Variants in COX7B2 observed in about 807,000 individuals in gnomAD.
COX7B2 encodes cytochrome c oxidase subunit 7B2, mitochondrial.
For missense variants in COX7B2, 109 were observed against 95.9 expected (o/e 1.14, Z -0.57); for synonymous variants, 37 against 32.1 (o/e 1.15, Z -0.51).
intron 2 of COX7B2, among the ~76,000 whole-genome samples, chr4:46,811,921 G>T (rs1719305176): frequency 6.6e-6 from 1 of 152,152 alleles, no homozygotes; most frequent in African/African-American, 2.4e-5. Context: ...ACATGGCCTA[G>T]ACTGTAGGAA....
chr4:46,798,600 C>T (rs1718482909), intron 2 of COX7B2, among the ~76,000 whole-genome samples: 1 of 152,156 alleles, frequency 6.6e-6, no homozygotes, highest in African/African-American at 2.4e-5. Flanking sequence ...CAGAAAGCTA[C>T]TATCCTTTTG....
At position 46,766,706 on chromosome 4, in the gene COX7B2, GA is replaced by G. The variant is rs57884969; in HGVS notation, c.-49-31466del. Among the ~76,000 whole-genome samples the G allele has an allele frequency of 7.0e-3, 679 of 96,586 alleles. 1 individual carries two copies. Among genetic ancestry groups the G allele is most frequent in the African/African-American group, 0.017 (430 of 24,706 alleles). The allele number at this position is 96,586 out of a possible 152,430, so 63.4% of individuals were successfully genotyped here. A position where few individuals can be genotyped will look rare whatever the true frequency, so the allele number is the denominator to read the frequency against. The stretch of plus-strand genomic sequence containing the variant: ...ACAAAGAGAGACTCCGTCTCGAAAA[GA>G]AAAAAAAAAAAAAAAAGAGTCAGGG... On this transcript the variant is annotated intron_variant, in intron 2 of 2. Coordinates refer to ENST00000355591, the MANE Select transcript of COX7B2 (RefSeq NM_130902.3).
chr4:46,817,249 A>T (rs912250039), intron 2 of COX7B2, among the ~76,000 whole-genome samples: 1 of 152,220 alleles, frequency 6.6e-6, no homozygotes, highest in African/African-American at 2.4e-5. Context: ...AATGTTTGCC[A>T]AGAGTCAGGC....
At chr4:46,828,903 G>A (rs974680838) in intron 2 of COX7B2, among the ~76,000 whole-genome samples, 1 of 152,054 alleles carries the variant, frequency 6.6e-6, no homozygotes, top group African/African-American at 2.4e-5. Flanking sequence ...TGATAACAGC[G>A]AAGTATAATT....
chr4:46,900,318 T>C (rs1720004501), intron 1 of COX7B2, among the ~76,000 whole-genome samples: 1 of 152,198 alleles, frequency 6.6e-6, no homozygotes, highest in African/African-American at 2.4e-5. Context: ...TTAGGAATCA[T>C]GCCCATTATG....
intron 2 of COX7B2, among the ~76,000 whole-genome samples, chr4:46,783,744 G>A (rs1271733839): frequency 6.6e-6 from 1 of 151,996 alleles, no homozygotes; most frequent in Non-Finnish European, 1.5e-5. Context: ...AAAAAGGGAA[G>A]GGCAGGGCAG....
intron 2 of COX7B2, among the ~76,000 whole-genome samples, chr4:46,820,604 G>A (rs2088305183): frequency 6.6e-6 from 1 of 152,074 alleles, no homozygotes; most frequent in African/African-American, 2.4e-5. Context: ...AAGGTGGGCA[G>A]ATCACCTGAG....
chr4:46,774,936 C>T (rs1717071817), intron 2 of COX7B2, among the ~76,000 whole-genome samples: 1 of 152,038 alleles, frequency 6.6e-6, no homozygotes, highest in Non-Finnish European at 1.5e-5. Flanking sequence ...TGAATAAGAA[C>T]ACAGCTTATA....
At chr4:46,742,048 G>T (rs532013857) in intron 2 of COX7B2, among the ~76,000 whole-genome samples, 1 of 152,150 alleles carries the variant, frequency 6.6e-6, no homozygotes, top group African/African-American at 2.4e-5. Context: ...GAGTACAATA[G>T]TAATTGAATC....
At chr4:46,893,980 G>A (rs546347119) in intron 1 of COX7B2, among the ~76,000 whole-genome samples, 1 of 152,050 alleles carries the variant, frequency 6.6e-6, no homozygotes, top group African/African-American at 2.4e-5. Flanking sequence ...TCTCTACAAT[G>A]AGAATTCTAA....
chr4:46,832,935 C>T (rs561142414), intron 2 of COX7B2, among the ~76,000 whole-genome samples: 3 of 151,748 alleles, frequency 2.0e-5, no homozygotes, highest in African/African-American at 4.8e-5. Context: ...GATGGAGTCT[C>T]GCTCTTGTTG....
chr4:46,816,633 ATTAT>A (rs977298604), intron 2 of COX7B2, among the ~76,000 whole-genome samples: 2 of 152,204 alleles, frequency 1.3e-5, no homozygotes, highest in Non-Finnish European at 2.9e-5. Context: ...TGCTGAAAAT[ATTAT>A]TTAATGTCAT....
At chr4:46,763,587 G>A (rs533383980) in intron 2 of COX7B2, among the ~76,000 whole-genome samples, 1 of 151,810 alleles carries the variant, frequency 6.6e-6, no homozygotes, top group South Asian at 2.1e-4. Context: ...TTTTCATCAC[G>A]CTTATTTATA....
intron 1 of COX7B2, among the ~76,000 whole-genome samples, chr4:46,877,937 AC>A (rs962667921): frequency 6.6e-6 from 1 of 152,080 alleles, no homozygotes; most frequent in African/African-American, 2.4e-5. Flanking sequence ...TCTCATGTTC[AC>A]TGCAGCAGTT....
intron 2 of COX7B2, among the ~76,000 whole-genome samples, chr4:46,776,352 AAG>A (rs1717151506): frequency 6.6e-6 from 1 of 151,768 alleles, no homozygotes; most frequent in African/African-American, 2.4e-5. Flanking sequence ...TAATGGCCAT[AAG>A]AGGTCACTAC....
intron 2 of COX7B2, among the ~76,000 whole-genome samples, chr4:46,736,856 C>CT (rs1294535587): frequency 6.6e-6 from 1 of 152,088 alleles, no homozygotes; most frequent in Non-Finnish European, 1.5e-5. Context: ...TATTATTTTA[C>CT]TGAAGGACAT....
chr4:46,895,653 T>C (rs1448436146), intron 1 of COX7B2, among the ~76,000 whole-genome samples: 1 of 152,116 alleles, frequency 6.6e-6, no homozygotes, highest in African/African-American at 2.4e-5. Flanking sequence ...TAAAAGTTTT[T>C]TTAAGTATTA....
intron 2 of COX7B2, among the ~76,000 whole-genome samples, chr4:46,818,355 C>A (rs868682379): frequency 6.6e-6 from 1 of 152,046 alleles, no homozygotes; most frequent in African/African-American, 2.4e-5. Context: ...TACTGGAAGC[C>A]GGGCGCCGTG....
intron 1 of COX7B2, among the ~76,000 whole-genome samples, chr4:46,867,813 A>G (rs6829456): frequency 0.39 from 58,839 of 152,022 alleles, 11,511 homozygotes; most frequent in South Asian, 0.49. Context: ...GTTCATCAAG[A>G]ATATTGGCCT....
Sources: allele counts gnomAD v4.1 joint callset (sites outside exome capture counted in the v4.1 genomes callset), GRCh38; gene constraint gnomAD v4.1.1; transcripts MANE v1.5; gene names NCBI Gene and HGNC (gene_info 2026-07-23, HGNC 2026-07-21).